Variants in MED15 observed in about 807,000 individuals in gnomAD.
The protein encoded by MED15 is mediator of RNA polymerase II transcription subunit 15.
In MED15, 41 loss-of-function variants were observed where a neutral mutation model predicts 118.7. That is an observed-to-expected ratio of 0.35 (90% confidence interval 0.27 to 0.45). The LOEUF (loss-of-function observed/expected upper bound fraction) is 0.45, where lower values mean the gene tolerates loss of function less well. Among genes scored for constraint, MED15 ranks in the 20% least tolerant of loss-of-function variants. MED15 has a pLI of 1.00. For synonymous variants in MED15, 436 were observed against 413.9 expected (o/e 1.05, Z -0.65); for missense variants, 740 against 1,025.5 (o/e 0.72, Z 3.80).
chr22:20,514,583 A>G (rs915078193), intron 1 of MED15, among the ~76,000 whole-genome samples: 4 of 152,188 alleles, frequency 2.6e-5, no homozygotes, highest in African/African-American at 9.7e-5. Flanking sequence ...ACAGTCCAGT[A>G]TCTGATGAAG....
intron 1 of MED15, among the ~76,000 whole-genome samples, chr22:20,513,282 CT>C (rs361904): frequency 0.79 from 99,896 of 127,068 alleles, 41,772 homozygotes; most frequent in East Asian, 0.96. Flanking sequence ...CTTTTTCTTT[CT>C]TTTTTTTTTT....
In MED15 at chr22:20,546,637, C is replaced by A. The variant is rs761589044; in HGVS notation, c.157-4799C>A. Among the ~76,000 whole-genome samples the A allele has an allele frequency of 1.3e-5, 2 of 151,942 alleles. 1 individual carries two copies. The highest frequency in any genetic ancestry group is 3.9e-4 in the East Asian group (2 of 5,176). ...GATCTTTCCAGTCTAAGGAGTCCCC[C>A]CAAGGGCCACAGATGGGTTCTCTTT... On this transcript the variant is annotated intron_variant, in intron 2 of 17. Transcript: ENST00000263205.
rs2057087758 is a variant in MED15 at position 20,584,857 on chromosome 22, C to T, written c.1806C>T (p.Pro602=). ...GACCGTGCCCATCCTGTCTCCAGCC[C>T]ACTCCCCCACCGCCCCCGGTGCCAC... ...LEKLKNDMAV[P]TPPPPPVPPT... is the part of the protein sequence containing the mutation. Residue 602 remains proline, a splice_region_variant and synonymous_variant, in exon 15 of 18, where the codon CCC becomes CCT. Coordinates refer to ENST00000263205, the MANE Select transcript of MED15 (RefSeq NM_001003891.3). The T allele has an allele frequency of 6.2e-7, 1 of 1,611,920 alleles. No homozygotes were observed.
chr22:20,508,916 GAACC>G (rs2053968908), intron 1 of MED15, among the ~76,000 whole-genome samples: 1 of 152,186 alleles, frequency 6.6e-6, no homozygotes, highest in African/African-American at 2.4e-5. Context: ...GATGGTAAAG[GAACC>G]GTCACAGCGC....
In MED15 at chr22:20,566,030, CTTTTT is replaced by C. The variant is rs555771579; in HGVS notation, c.691-421_691-417del. On this transcript the variant is annotated intron_variant, in intron 6 of 17. Transcript: ENST00000263205. ...GGTCAGCCTGTCAGCCCAGGAAGGC[CTTTTT>C]TTTTTTTTTTTTTTTGAGACTTTTT... 5.8e-4 allele frequency among the ~76,000 whole-genome samples: 69 copies of C among 119,580 alleles called. 1 individual carries two copies. The highest frequency in any genetic ancestry group is 7.1e-4 in the Non-Finnish European group (42 of 59,072). 78.4% of individuals were successfully genotyped at this position (119,580 alleles called of 152,430 possible). A position where few individuals can be genotyped will look rare whatever the true frequency, so the allele number is the denominator to read the frequency against.
intron 5 of MED15, among the ~76,000 whole-genome samples, chr22:20,556,766 C>A (rs2056028128): frequency 6.6e-6 from 1 of 152,178 alleles, no homozygotes; most frequent in Non-Finnish European, 1.5e-5. Flanking sequence ...AGAGATCGCG[C>A]CCTCCCTCCA....
In MED15 at chr22:20,561,941, T is replaced by C. The variant is rs117219649; in HGVS notation, c.452-2509T>C. The stretch of plus-strand genomic sequence containing the variant: ...AGGAGGTCAAGGCTGCAGTGAGCCA[T>C]GATTGCACTATTGCATTCCAGCCTG... On this transcript the variant is annotated intron_variant, in intron 5 of 17. Transcript: ENST00000263205. 1.1e-3 allele frequency among the ~76,000 whole-genome samples: 169 copies of C among 152,282 alleles called. 1 individual carries two copies. In the East Asian group the frequency reaches 0.03, roughly 27 times the overall value.
intron 5 of MED15, among the ~76,000 whole-genome samples, chr22:20,557,804 C>A (rs2047104289): frequency 6.6e-6 from 1 of 152,116 alleles, no homozygotes; most frequent in Admixed American, 6.5e-5. Flanking sequence ...CTGTGTGGCA[C>A]TAGTTGAAAG....
chr22:20,552,026 T>C (rs2055796183), intron 3 of MED15, among the ~76,000 whole-genome samples: 1 of 152,176 alleles, frequency 6.6e-6, no homozygotes, highest in Non-Finnish European at 1.5e-5. Flanking sequence ...AGCCAGGCAG[T>C]GGCCCCAGCT....
Position 20,564,479 on chromosome 22 carries a change from C to A in MED15, c.481C>A (p.Gln161Lys). 1 of 1,607,734 alleles carries A rather than the reference C, an allele frequency of 6.2e-7. No individual in the cohort carries two copies. Among genetic ancestry groups the A allele is most frequent in the Non-Finnish European group, 8.5e-7 (1 of 1,174,972 alleles). ...TQLQLQQVAL[Q>K]QQQQQQQFQQ... is the part of the protein sequence containing the mutation. ...GCTGCAGCTCCAGCAGGTGGCGCTGCAGCAGCAGCAGCAACAGCAGCAGTT... is the reference window on the plus strand; with the variant it reads ...GCTGCAGCTCCAGCAGGTGGCGCTGAAGCAGCAGCAGCAACAGCAGCAGTT... Residue 161 changes from glutamine (Q) to lysine (K), a missense_variant, in exon 6 of 18, where the codon CAG (glutamine) becomes AAG (lysine). By Grantham distance (53) the Gln-to-Lys change is moderately conservative. Around this residue, in one of 7 missense-constraint regions of MED15, gnomAD observed 117 missense variants for 124.6 expected, o/e 0.94. Coordinates refer to ENST00000263205, the MANE Select transcript of MED15 (RefSeq NM_001003891.3).
At chr22:20,548,310 C>T (rs1422503876) in intron 2 of MED15, among the ~76,000 whole-genome samples, 1 of 152,022 alleles carries the variant, frequency 6.6e-6, no homozygotes, top group Non-Finnish European at 1.5e-5. Context: ...TACCGGCATG[C>T]GCCACCAGGC....
chr22:20,566,560 C>CAGG lies in MED15; in HGVS notation c.785_787dup (p.Gln262_Ala263insGlu). On this transcript the variant is annotated inframe_insertion, in exon 7 of 18. Coordinates refer to ENST00000263205, the MANE Select transcript of MED15 (RefSeq NM_001003891.3). ...GCAGCAGCAGCAGCAGCAGCAGCAGCAGGCTTTGCAGGCCCAGCCACCAAT... is the reference window on the plus strand; with the variant it reads ...GCAGCAGCAGCAGCAGCAGCAGCAGCAGGAGGCTTTGCAGGCCCAGCCACCAAT... 1 of 1,613,260 alleles carries CAGG rather than the reference C, an allele frequency of 6.2e-7. No homozygotes were observed. The highest frequency in any genetic ancestry group is 8.5e-7 in the Non-Finnish European group (1 of 1,179,826).
At chr22:20,512,011 C>T (rs1275447111) in intron 1 of MED15, among the ~76,000 whole-genome samples, 1 of 64,782 alleles carries the variant, frequency 1.5e-5, no homozygotes, top group African/African-American at 1.2e-4. Flanking sequence ...TTTTTGGAGA[C>T]AAGATCTTGC....
chr22:20,584,719 G>T, intron 14 of MED15, 136 bp from the exon 15 acceptor site: 1 of 1,132,306 alleles, frequency 8.8e-7, no homozygotes, highest in Admixed American at 2.2e-5. Context: ...AGCCAACATT[G>T]TCTGCACAAG....
chr22:20,540,576 A>C (rs1487709137), intron 2 of MED15, among the ~76,000 whole-genome samples: 1 of 152,132 alleles, frequency 6.6e-6, no homozygotes, highest in Non-Finnish European at 1.5e-5. Context: ...TCTGTCTCTA[A>C]AAAACTTTTT....
chr22:20,573,517 T>C (rs2056732236), intron 8 of MED15, among the ~76,000 whole-genome samples: 1 of 151,644 alleles, frequency 6.6e-6, no homozygotes, highest in Non-Finnish European at 1.5e-5. Flanking sequence ...GACCTGGGGG[T>C]GGGGGAGAGG....
In MED15 at chr22:20,585,618, C is replaced by T. The variant is rs1442638902; in HGVS notation, c.2132-110C>T. 25 of 1,028,322 alleles carry T rather than the reference C, an allele frequency of 2.4e-5. No individual in the cohort carries two copies. The East Asian group carries it at 6.0e-4, about 25-fold the overall frequency. 63.7% of individuals were successfully genotyped at this position (1,028,322 alleles called of 1,614,324 possible). ...GAGAGACCTCCTCCAGGCTTTGCCA[C>T]AAGCTTCACCAGAACCTCCCTGGGT... is the stretch of plus-strand genomic sequence containing the variant. On this transcript the variant is annotated intron_variant, in intron 16 of 17. Coordinates refer to ENST00000263205, the MANE Select transcript of MED15 (RefSeq NM_001003891.3).
At chr22:20,524,077 T>C (rs1180665431) in intron 1 of MED15, among the ~76,000 whole-genome samples, 3 of 152,220 alleles carry the variant, frequency 2.0e-5, no homozygotes, top group Non-Finnish European at 4.4e-5. Flanking sequence ...AAAAACACTT[T>C]TATGTTTCTT....
chr22:20,531,918 T>C (rs911588021), intron 1 of MED15, among the ~76,000 whole-genome samples: 3 of 152,108 alleles, frequency 2.0e-5, no homozygotes, highest in Admixed American at 2.0e-4. Context: ...ACAGGCCTGA[T>C]GGGATAGTCA....
Sources: allele counts gnomAD v4.1 joint callset (sites outside exome capture counted in the v4.1 genomes callset), GRCh38; gene constraint gnomAD v4.1.1; regional missense constraint gnomAD v4.1.1; transcripts MANE v1.5; gene names NCBI Gene and HGNC (gene_info 2026-07-23, HGNC 2026-07-21).